The following WBP4 variants were observed in gnomAD, a reference collection of about 807,000 sequenced individuals.
The protein encoded by WBP4 is WW domain binding protein 4.
WBP4 carries 37 observed loss-of-function variants against 55.4 expected under a neutral mutation model. The observed-to-expected ratio is 0.67, with a 90% CI of 0.51 to 0.88. WBP4 has a LOEUF of 0.88. WBP4 is among the 40% of genes least tolerant of loss of function. WBP4 has a pLI of 0.00. For missense variants in WBP4, 398 were observed against 420.8 expected (o/e 0.95, Z 0.47); for synonymous variants, 142 against 140.2 (o/e 1.01, Z -0.09).
intron 8 of WBP4, among the ~76,000 whole-genome samples, chr13:41,076,679 C>G (rs1878510098): frequency 6.6e-6 from 1 of 152,160 alleles, no homozygotes; most frequent in African/African-American, 2.4e-5. Flanking sequence ...ACCGGGAACA[C>G]TCAGGAGCCC....
At chr13:41,074,910 G>A (rs572025390) in intron 7 of WBP4, among the ~76,000 whole-genome samples, 10 of 152,284 alleles carry the variant, frequency 6.6e-5, no homozygotes, top group African/African-American at 1.7e-4. Context: ...CAGGAGAATC[G>A]CTTGAACCGG....
chr13:41,075,240 A>G (rs77495394), intron 7 of WBP4, among the ~76,000 whole-genome samples: 49 of 152,236 alleles, frequency 3.2e-4, no homozygotes, highest in Non-Finnish European at 6.2e-4. Context: ...AGCCCAATGA[A>G]CCACTGGATG....
rs1266168033 is a variant in WBP4 at position 41,062,707 on chromosome 13, C to T, written c.66C>T (p.Asp22=). Residue 22 remains aspartate, a synonymous_variant, in exon 2 of 10, where the codon GAC becomes GAT. Coordinates refer to ENST00000379487, the MANE Select transcript of WBP4 (RefSeq NM_007187.5). The part of the protein sequence containing the change: ...FCDYCKCWIA[D]NRPSVEFHER... The stretch of plus-strand genomic sequence containing the variant: ...ATTACTGCAAGTGCTGGATAGCAGA[C>T]AATAGGCCTGTATGATAATTCCGCT... The T allele has an allele frequency of 6.2e-7, 1 of 1,611,048 alleles. No individual in the cohort carries two copies. The highest frequency in any genetic ancestry group is 8.5e-7 in the Non-Finnish European group (1 of 1,178,144).
rs555764002 is a variant in WBP4 at position 41,081,498 on chromosome 13, CAAAAAA to C, written c.920+706_920+711del. On this transcript the variant is annotated intron_variant, in intron 9 of 9. Coordinates refer to ENST00000379487, the MANE Select transcript of WBP4 (RefSeq NM_007187.5). ...GGGCAACAGAGTAGGACCTTGTCTC[CAAAAAA>C]AAAAAAAAAAAAAAAATGTAAAAAC... Among the ~76,000 whole-genome samples, 481 of 81,178 alleles carry C rather than the reference CAAAAAA, an allele frequency of 5.9e-3. 4 individuals are homozygous for C. Among genetic ancestry groups the C allele is most frequent in the African/African-American group, 0.021 (407 of 19,802 alleles). 53.3% of individuals were successfully genotyped at this position (81,178 alleles called of 152,430 possible). A position where few individuals can be genotyped will look rare whatever the true frequency, so the allele number is the denominator to read the frequency against.
At chr13:41,075,090 A>G (rs1878420356) in intron 7 of WBP4, among the ~76,000 whole-genome samples, 1 of 152,214 alleles carries the variant, frequency 6.6e-6, no homozygotes, top group South Asian at 2.1e-4. Context: ...TGCTGTATAT[A>G]TTGGTTTGCC....
At chr13:41,079,681 C>G (rs1340924980) in intron 8 of WBP4, among the ~76,000 whole-genome samples, 1 of 151,962 alleles carries the variant, frequency 6.6e-6, no homozygotes, top group Non-Finnish European at 1.5e-5. Context: ...AAAAGCAGAA[C>G]TGTTATTCAA....
At chr13:41,076,261 C>G in intron 8 of WBP4, 24 bp downstream of exon 8, 1 of 997,312 alleles carries the variant, frequency 1.0e-6, no homozygotes, top group Non-Finnish European at 1.4e-6. Context: ...TTTTACTCTT[C>G]ACATCAAATT....
chr13:41,074,987 C>A (rs943167961), intron 7 of WBP4, among the ~76,000 whole-genome samples: 2 of 152,032 alleles, frequency 1.3e-5, no homozygotes, highest in Admixed American at 1.3e-4. Context: ...TAAATAAATT[C>A]TTGAAAGTTC....
chr13:41,078,977 A>G lies in WBP4; in HGVS notation c.757-1669A>G, dbSNP rs563867480. 7.7e-4 allele frequency among the ~76,000 whole-genome samples: 118 copies of G among 152,334 alleles called. 1 individual carries two copies. Among genetic ancestry groups the G allele is most frequent in the Non-Finnish European group, 1.5e-3 (103 of 68,034 alleles). On this transcript the variant is annotated intron_variant, in intron 8 of 9. Transcript: ENST00000379487. The stretch of plus-strand genomic sequence containing the variant: ...AGACAAATGGGAGGGACTTAATTAA[A>G]AAGCTTATGCACAGCAAAAGAAACA...
Position 41,076,037 on chromosome 13 carries a change from T to C in WBP4, c.563-7T>C, listed in dbSNP as rs756693001. The C allele has an allele frequency of 1.2e-6, 2 of 1,609,026 alleles. No individual in the cohort carries two copies. Among genetic ancestry groups the C allele is most frequent in the Non-Finnish European group, 8.5e-7 (1 of 1,178,822 alleles). On this transcript the variant is annotated splice_polypyrimidine_tract_variant and splice_region_variant and intron_variant, in intron 7 of 9. Coordinates refer to ENST00000379487, the MANE Select transcript of WBP4 (RefSeq NM_007187.5). ...TAAATAACATGACTTTAAAATGTGT[T>C]GAGCAGAATCCAGATGGGAGAAACC...
rs188524483 is a variant in WBP4 at position 41,062,741 on chromosome 13, T to A, written c.75+25T>A. 6.4e-4 allele frequency: 1,016 copies of A among 1,589,478 alleles called. 9 individuals are homozygous for A. In the African/African-American group the frequency reaches 0.011, roughly 18 times the overall value. On this transcript the variant is annotated intron_variant, in intron 2 of 9. Transcript: ENST00000379487. Reference sequence around the variant, plus strand: ...TGTATGATAATTCCGCTGTTAGAGATTCTAATAATAATTGTGTTGAATGAA... The same window carrying A: ...TGTATGATAATTCCGCTGTTAGAGAATCTAATAATAATTGTGTTGAATGAA...
intron 4 of WBP4, among the ~76,000 whole-genome samples, chr13:41,067,825 T>C (rs1286947965): frequency 6.6e-6 from 1 of 152,212 alleles, no homozygotes; most frequent in African/African-American, 2.4e-5. Context: ...GTCTTATATA[T>C]GTTTTTTCTT....
intron 2 of WBP4, 83 bp from the exon 3 acceptor site, chr13:41,064,933 T>G: frequency 8.0e-7 from 1 of 1,247,810 alleles, no homozygotes; most frequent in Non-Finnish European, 1.1e-6. Context: ...AATTTTCTCA[T>G]GTTTATGAGA....
chr13:41,081,153 C>T (rs1947409564), intron 9 of WBP4, among the ~76,000 whole-genome samples: 2 of 152,044 alleles, frequency 1.3e-5, no homozygotes, highest in South Asian at 4.2e-4. Flanking sequence ...GCTGAAATCG[C>T]GCCACTGGAC....
chr13:41,077,119 AC>A (rs889310323), intron 8 of WBP4, among the ~76,000 whole-genome samples: 1 of 152,186 alleles, frequency 6.6e-6, no homozygotes, highest in Non-Finnish European at 1.5e-5. Context: ...AGATTAATAC[AC>A]CATGATAAAG....
chr13:41,063,999 G>C (rs1383945442), intron 2 of WBP4, among the ~76,000 whole-genome samples: 1 of 151,592 alleles, frequency 6.6e-6, no homozygotes, highest in Non-Finnish European at 1.5e-5. Context: ...TGTTTAAATA[G>C]ATAATTGCGC....
rs1461602463 is a variant in WBP4 at position 41,065,271 on chromosome 13, A to G, written c.246A>G (p.Arg82=). 1.9e-6 allele frequency: 3 copies of G among 1,564,804 alleles called. No homozygotes were observed. The highest frequency in any genetic ancestry group is 2.8e-5 in the African/African-American group (2 of 71,646). Residue 82 remains arginine (R), a synonymous_variant, in exon 4 of 10, where the codon AGA becomes AGG. Coordinates refer to ENST00000379487, the MANE Select transcript of WBP4 (RefSeq NM_007187.5). ...AAGCATACCAAGAGGATTTGAAAAG[A>G]CTTGGCTTAGAGTCAGGTAAAAAAA... ...ALKAYQEDLK[R]LGLESEILEP...
chr13:41,070,197 G>A (rs1391563901), intron 5 of WBP4, among the ~76,000 whole-genome samples: 2 of 152,042 alleles, frequency 1.3e-5, no homozygotes, highest in African/African-American at 4.8e-5. Context: ...ATTACCATAG[G>A]AATTACTTTT....
intron 4 of WBP4, among the ~76,000 whole-genome samples, chr13:41,066,716 C>G (rs1416822721): frequency 6.6e-6 from 1 of 152,122 alleles, no homozygotes; most frequent in Non-Finnish European, 1.5e-5. Flanking sequence ...TTAATCTTTT[C>G]CTGGTTAACA....
Sources: gnomAD v4.1 joint callset for allele counts (sites outside exome capture counted in the v4.1 genomes callset) on GRCh38, gnomAD v4.1.1 for gene constraint, MANE v1.5 for transcripts, NCBI Gene and HGNC (gene_info 2026-07-23, HGNC 2026-07-21) for gene names.